ADAMTS19: variants seen among roughly 807,000 people sequenced by gnomAD.
ADAMTS19 encodes the protein ADAM metallopeptidase with thrombospondin type 1 motif 19, also known as A disintegrin and metalloproteinase with thrombospondin motifs 19.
In ADAMTS19, 93 loss-of-function variants were observed where a neutral mutation model predicts 153.3. That is an observed-to-expected ratio of 0.61 (90% CI 0.51 to 0.72). The LOEUF is 0.72. Among genes scored for constraint, ADAMTS19 ranks in the 30% least tolerant of loss-of-function variants. The pLI is 0.00. For synonymous variants in ADAMTS19, 600 were observed against 556.6 expected (o/e 1.08, Z -1.10); for missense variants, 1,482 against 1,552.1 (o/e 0.95, Z 0.76).
At chr5:129,597,900 C>CA (rs66501856) in intron 8 of ADAMTS19, among the ~76,000 whole-genome samples, 100,606 of 135,270 alleles carry the variant, frequency 0.74, 36,842 homozygotes, top group Non-Finnish European at 0.79. Context: ...GTCTCTATCT[C>CA]AAAAAAAAAA....
At chr5:129,694,966 G>A in intron 19 of ADAMTS19, 111 bp downstream of exon 19, 1 of 1,228,892 alleles carries the variant, frequency 8.1e-7, no homozygotes, top group Non-Finnish European at 1.1e-6. Context: ...CATTGCCAAA[G>A]GATACGTACC....
At chr5:129,678,014 T>C (rs1754627266) in intron 16 of ADAMTS19, among the ~76,000 whole-genome samples, 1 of 152,154 alleles carries the variant, frequency 6.6e-6, no homozygotes, top group Non-Finnish European at 1.5e-5. Context: ...GGTTTTGCCA[T>C]GTTGTCCAGA....
At chr5:129,531,862 T>C (rs987030020) in intron 6 of ADAMTS19, among the ~76,000 whole-genome samples, 3 of 152,164 alleles carry the variant, frequency 2.0e-5, no homozygotes, top group Non-Finnish European at 4.4e-5. Flanking sequence ...ATAGGGTCAA[T>C]TGATTTTTAA....
At chr5:129,616,907 G>T (rs1038334149) in intron 8 of ADAMTS19, among the ~76,000 whole-genome samples, 12 of 152,144 alleles carry the variant, frequency 7.9e-5, no homozygotes, top group Admixed American at 6.6e-4. Context: ...TTTTGATCCA[G>T]AAAGAAAAGC....
At chr5:129,647,463 T>A (rs557302753) in intron 11 of ADAMTS19, among the ~76,000 whole-genome samples, 1 of 152,258 alleles carries the variant, frequency 6.6e-6, no homozygotes, top group East Asian at 1.9e-4. Context: ...TTCCTGGTTG[T>A]GCAACCTCAG....
At chr5:129,724,338 T>C (rs940305988) in intron 21 of ADAMTS19, among the ~76,000 whole-genome samples, 16 of 152,322 alleles carry the variant, frequency 1.1e-4, no homozygotes, top group African/African-American at 3.4e-4. Flanking sequence ...TCTTAAGGTC[T>C]CTTTTTTAAC....
At chr5:129,497,691 C>T (rs565002131) in intron 2 of ADAMTS19, among the ~76,000 whole-genome samples, 6 of 152,142 alleles carry the variant, frequency 3.9e-5, no homozygotes, top group African/African-American at 1.4e-4. Flanking sequence ...TCCCCCATGT[C>T]CCAATATCAC....
chr5:129,530,810 A>G (rs1176902937), intron 6 of ADAMTS19, among the ~76,000 whole-genome samples: 1 of 151,818 alleles, frequency 6.6e-6, no homozygotes, highest in Non-Finnish European at 1.5e-5. Flanking sequence ...CCAGTGCAGT[A>G]AAGCAGGAAA....
At position 129,461,638 on chromosome 5, in the gene ADAMTS19, A is replaced by G. The variant is rs367953218; in HGVS notation, c.628A>G (p.Thr210Ala). 12 of 1,519,260 alleles carry G rather than the reference A, an allele frequency of 7.9e-6. No homozygotes were observed. The highest frequency in any genetic ancestry group is 9.8e-6 in the Non-Finnish European group (11 of 1,127,402). The allele number at this position is 1,519,260 out of a possible 1,614,324, so 94.1% of individuals were successfully genotyped here. A position where few individuals can be genotyped will look rare whatever the true frequency, so the allele number is the denominator to read the frequency against. ...EQRPNPGPGPTGAASAPQPPA... is the reference protein window; with the variant it reads ...EQRPNPGPGPAGAASAPQPPA... The stretch of plus-strand genomic sequence containing the variant: ...GCGGCCAAATCCCGGCCCCGGCCCC[A>G]CGGGGGCAGCATCCGCCCCGCAACC... Residue 210 changes from threonine (T) to alanine (A), a missense_variant, in exon 2 of 23, where the codon ACG becomes GCG. Physicochemically the swap from Thr to Ala is moderately conservative, Grantham distance 58. Coordinates refer to ENST00000274487, the MANE Select transcript of ADAMTS19 (RefSeq NM_133638.6). This position sits in a 1 kb window ranked among gnomAD's most constrained non-coding sequence, Gnocchi z 4.6.
chr5:129,616,848 G>C (rs549822672), intron 8 of ADAMTS19, among the ~76,000 whole-genome samples: 1 of 152,152 alleles, frequency 6.6e-6, no homozygotes, highest in Admixed American at 6.6e-5. Flanking sequence ...AAAGAACAGA[G>C]GCATTTAAAA....
At chr5:129,655,566 C>G (rs745490486) in intron 14 of ADAMTS19, among the ~76,000 whole-genome samples, 2 of 152,188 alleles carry the variant, frequency 1.3e-5, no homozygotes, top group Non-Finnish European at 2.9e-5. Flanking sequence ...TGGTCATTGA[C>G]TTTGTGCTAT....
At chr5:129,665,627 C>A in intron 16 of ADAMTS19, 48 bp downstream of exon 16, 1 of 1,436,952 alleles carries the variant, frequency 7.0e-7, no homozygotes, top group South Asian at 1.2e-5. Flanking sequence ...GAGCCCAACT[C>A]CCTGCCCTGA....
At chr5:129,530,645 T>C (rs745541405) in intron 6 of ADAMTS19, among the ~76,000 whole-genome samples, 1 of 152,170 alleles carries the variant, frequency 6.6e-6, no homozygotes, top group Non-Finnish European at 1.5e-5. Flanking sequence ...CTTGAGGTAC[T>C]ATCTTAATCT....
At chr5:129,544,165 T>G (rs550623465) in intron 6 of ADAMTS19, among the ~76,000 whole-genome samples, 1 of 152,314 alleles carries the variant, frequency 6.6e-6, no homozygotes, top group Admixed American at 6.5e-5. Flanking sequence ...TAGCAACAAA[T>G]ATTTTTTTCT....
intron 16 of ADAMTS19, among the ~76,000 whole-genome samples, chr5:129,667,172 A>C (rs1754091140): frequency 1.3e-5 from 2 of 152,104 alleles, no homozygotes; most frequent in Non-Finnish European, 2.9e-5. Flanking sequence ...TCCTCATTTC[A>C]TTAAACACTT....
chr5:129,566,781 G>A (rs1753731027), intron 7 of ADAMTS19, among the ~76,000 whole-genome samples: 2 of 152,114 alleles, frequency 1.3e-5, no homozygotes, highest in African/African-American at 4.8e-5. Flanking sequence ...AGCAGGGGTA[G>A]TAACAGTGGC....
rs144929851 is a variant in ADAMTS19, at chr5:129,584,783, T to G, written c.1373-11776T>G. 4.6e-3 allele frequency among the ~76,000 whole-genome samples: 708 copies of G among 152,316 alleles called. 9 individuals are homozygous for G. The highest frequency in any genetic ancestry group is 0.016 in the African/African-American group (677 of 41,586). Reference sequence around the variant, plus strand: ...TGACCATCCCAGGTCGACTTCAGACTGCTGTGCTGGCAGCAGGAATTTCAA... The same window carrying G: ...TGACCATCCCAGGTCGACTTCAGACGGCTGTGCTGGCAGCAGGAATTTCAA... On this transcript the variant is annotated intron_variant, in intron 7 of 22. Transcript: ENST00000274487.
chr5:129,479,164 T>C (rs1230628293), intron 2 of ADAMTS19, among the ~76,000 whole-genome samples: 1 of 152,132 alleles, frequency 6.6e-6, no homozygotes, highest in African/African-American at 2.4e-5. Flanking sequence ...TGTATGTTTG[T>C]ATATGTCATG....
At chr5:129,478,018 G>C (rs1013259411) in intron 2 of ADAMTS19, among the ~76,000 whole-genome samples, 2 of 152,094 alleles carry the variant, frequency 1.3e-5, no homozygotes, top group African/African-American at 4.8e-5. Flanking sequence ...AAGTGAAAGA[G>C]AAAGCGGAGA....
Sources: gnomAD v4.1 joint callset for allele counts (sites outside exome capture counted in the v4.1 genomes callset) on GRCh38, gnomAD v4.1.1 for gene constraint, Gnocchi (gnomAD v3.1) non-coding constraint, MANE v1.5 for transcripts, NCBI Gene and HGNC (gene_info 2026-07-23, HGNC 2026-07-21) for gene names.